The following DNAH10 variants were observed in gnomAD, a reference collection of about 807,000 sequenced individuals.
The protein encoded by DNAH10 is axonemal beta dynein heavy chain 10.
A neutral mutation model predicts 506.6 loss-of-function variants in DNAH10; 348 were observed. The observed-to-expected ratio is 0.69, with a 90% CI of 0.63 to 0.75. The LOEUF is 0.75. Among genes scored for constraint, DNAH10 ranks in the 30% least tolerant of loss-of-function variants. The probability of loss-of-function intolerance (pLI) is 0.00; values close to 1 mark genes in which losing one functional copy is unlikely to be tolerated. For missense variants in DNAH10, 5,179 were observed against 5,787.1 expected, an observed-to-expected ratio of 0.89 and a Z score of 3.41; for synonymous variants, 2,059 against 2,198.6, an observed-to-expected ratio of 0.94 and a Z score of 1.78.
intron 25 of DNAH10, among the ~76,000 whole-genome samples, chr12:123,829,037 A>G (rs1053172581): frequency 2.0e-5 from 3 of 152,194 alleles, no homozygotes; most frequent in African/African-American, 7.2e-5. Context: ...CATGCAGTCC[A>G]TCAATCGCCG....
intron 52 of DNAH10, among the ~76,000 whole-genome samples, chr12:123,889,739 G>A (rs1417142432): frequency 2.6e-5 from 4 of 152,122 alleles, no homozygotes; most frequent in East Asian, 3.8e-4. Flanking sequence ...CAAACAGCAC[G>A]GATTTATTCC....
intron 39 of DNAH10, among the ~76,000 whole-genome samples, chr12:123,863,187 C>T (rs1402677789): frequency 6.6e-6 from 1 of 152,190 alleles, no homozygotes; most frequent in African/African-American, 2.4e-5. Flanking sequence ...GTAGAATAGC[C>T]TCTGTCCTGT....
At position 123,923,757 on chromosome 12, in the gene DNAH10, C is replaced by G. The variant is rs1284884850; in HGVS notation, c.11507-6C>G. 1 of 1,599,510 alleles carries G rather than the reference C, an allele frequency of 6.3e-7. No individual in the cohort carries two copies. Among genetic ancestry groups the G allele is most frequent in the South Asian group, 1.1e-5 (1 of 87,986 alleles). On this transcript the variant is annotated splice_region_variant and splice_polypyrimidine_tract_variant and intron_variant, in intron 65 of 78. Transcript: ENST00000673944. The stretch of plus-strand genomic sequence containing the variant: ...AAATCAATACTCATCTGATGTTTCC[C>G]TCCAGGGCTGTTTGAGAGGCACAAG...
At chr12:123,892,486 C>T (rs931073706) in intron 52 of DNAH10, among the ~76,000 whole-genome samples, 1 of 152,208 alleles carries the variant, frequency 6.6e-6, no homozygotes, top group Non-Finnish European at 1.5e-5. Context: ...CACTGGGGAT[C>T]ACAATTCAAC....
In DNAH10 at chr12:123,830,860, T is replaced by TGAGG. The variant is rs1960474537; in HGVS notation, c.4545+161_4545+162insGAGG. Among the ~76,000 whole-genome samples, 3 of 152,148 alleles carry TGAGG rather than the reference T, an allele frequency of 2.0e-5. No individual in the cohort carries two copies. In the South Asian group the frequency reaches 6.2e-4, roughly 32 times the overall value. ...TGGGAGGCTGAGGTGGGAGGATCAC[T>TGAGG]TGAACCTGGAAGGTGGAGGCTGCAG... On this transcript the variant is annotated intron_variant, in intron 26 of 78. Coordinates refer to ENST00000673944, the MANE Select transcript of DNAH10 (RefSeq NM_001372106.1).
intron 5 of DNAH10, among the ~76,000 whole-genome samples, chr12:123,780,717 G>C (rs1957612528): frequency 6.6e-6 from 1 of 151,372 alleles, no homozygotes. Context: ...ACTTTGGGAG[G>C]CCGGGGGTGG....
In DNAH10 at chr12:123,781,372, A is replaced by G. The variant is rs1022014208; in HGVS notation, c.841+73A>G. On this transcript the variant is annotated intron_variant, in intron 6 of 78. Transcript: ENST00000673944. Reference sequence around the variant, plus strand: ...GTAGTTGGGATTACAGGTGCATGCCACCATGCCTGGCTAACTTTTGGAACA... The same window carrying G: ...GTAGTTGGGATTACAGGTGCATGCCGCCATGCCTGGCTAACTTTTGGAACA... 2.9e-6 allele frequency: 4 copies of G among 1,376,110 alleles called. No individual in the cohort carries two copies. In the African/African-American group the frequency reaches 5.8e-5, roughly 20 times the overall value. 85.2% of individuals were successfully genotyped at this position (1,376,110 alleles called of 1,614,324 possible).
chr12:123,838,719 C>T (rs117995113), intron 29 of DNAH10, 30 bp downstream of exon 29: 42,579 of 1,598,464 alleles, frequency 0.027, 655 homozygotes, highest in Non-Finnish European at 0.032. Context: ...AGGGGCTCCC[C>T]GTGTAAGCCT....
rs1955212256 is a variant in DNAH10, at chr12:123,931,641, T to G, written c.12922T>G (p.Ser4308Ala). 6.2e-7 allele frequency: 1 copy of G among 1,613,920 alleles called. No individual in the cohort carries two copies. The highest frequency in any genetic ancestry group is 8.5e-7 in the Non-Finnish European group (1 of 1,179,882). The change falls in exon 75 of 79, where the codon TCC (serine) becomes GCC (alanine). Residue 4308 changes from serine to alanine, a missense_variant. Physicochemically the swap from Ser to Ala is moderately conservative, Grantham distance 99. Transcript: ENST00000673944. ...LLELQPQTGE[S>A]SSGISRDDYI... is the part of the protein sequence containing the mutation. ...GAAAAGTGTCCTGGTTTTAGGGGAA[T>G]CCAGCAGTGGTATCAGCCGCGATGA...
Position 123,903,135 on chromosome 12 carries a change from T to G in DNAH10, c.9815+22T>G, listed in dbSNP as rs780131772. 1.9e-6 allele frequency: 3 copies of G among 1,590,736 alleles called. No homozygotes were observed. The highest frequency in any genetic ancestry group is 2.6e-6 in the Non-Finnish European group (3 of 1,168,570). On this transcript the variant is annotated intron_variant, in intron 57 of 78. Coordinates refer to ENST00000673944, the MANE Select transcript of DNAH10 (RefSeq NM_001372106.1). The surrounding 1 kb of genome is among the most constrained non-coding windows in gnomAD (Gnocchi z 4.6). ...TTAGGTAATGCACCTGAGCCACCAT[T>G]CTGGGCTTCCATTCCACCTCTGCAA...
chr12:123,822,783 A>G (rs1959553934), intron 24 of DNAH10, among the ~76,000 whole-genome samples: 1 of 152,144 alleles, frequency 6.6e-6, no homozygotes, highest in Non-Finnish European at 1.5e-5. Context: ...AATGCGGGAG[A>G]ACACTGACGT....
intron 24 of DNAH10, among the ~76,000 whole-genome samples, chr12:123,825,822 T>A (rs1959923651): frequency 6.6e-6 from 1 of 152,174 alleles, no homozygotes; most frequent in Non-Finnish European, 1.5e-5. Flanking sequence ...TAATCCTCAA[T>A]AAAGCTGTTA....
chr12:123,783,330 CGGAGTCTGGG>C, intron 7 of DNAH10, 66 bp downstream of exon 7: 1 of 1,588,642 alleles, frequency 6.3e-7, no homozygotes, highest in South Asian at 1.1e-5. Flanking sequence ...GGAAAGAGCC[CGGAGTCTGGG>C]GTCTGCATCA....
rs36137208 is a variant in DNAH10, at chr12:123,765,500, A to G, written c.215-2106A>G. 4.2e-3 allele frequency among the ~76,000 whole-genome samples: 636 copies of G among 152,280 alleles called. 7 individuals carry two copies. The highest frequency in any genetic ancestry group is 0.015 in the African/African-American group (611 of 41,540). ...CTTTTGTCAAATTATCAGTCAATCA[A>G]TCAGCCAATCACCTACCAACCGACT... On this transcript the variant is annotated intron_variant, in intron 1 of 78. Transcript: ENST00000673944.
At chr12:123,901,254 C>T (rs1158159942) in intron 56 of DNAH10, among the ~76,000 whole-genome samples, 1 of 152,244 alleles carries the variant, frequency 6.6e-6, no homozygotes, top group Non-Finnish European at 1.5e-5. Flanking sequence ...GTCCTGTTAC[C>T]TCTGCACTCC....
chr12:123,883,213 C>G (rs994640938), intron 51 of DNAH10, among the ~76,000 whole-genome samples: 1 of 152,214 alleles, frequency 6.6e-6, no homozygotes, highest in South Asian at 2.1e-4. Context: ...GTTTGCATTG[C>G]TCTTGAGTAT....
chr12:123,780,942 C>CAA (rs376709809), intron 5 of DNAH10, 138 bp from the exon 6 acceptor site: 106,631 of 329,316 alleles, frequency 0.32, 16,982 homozygotes, highest in East Asian at 0.51. Flanking sequence ...GACTCTGTCT[C>CAA]AAAAAAAAAA....
rs1955073382 is a variant in DNAH10, at chr12:123,928,948, A to T, written c.12307-327A>T. 5 of 462,476 alleles carry T rather than the reference A, an allele frequency of 1.1e-5. No individual in the cohort carries two copies. The South Asian group carries it at 1.3e-4, about 12-fold the overall frequency. The allele number at this position is 462,476 out of a possible 1,614,324, so 28.6% of individuals were successfully genotyped here. Reference sequence around the variant, plus strand: ...GCCCCATTTAATTTATTCTCCGGGAAATTCTTTTGGAAAGGTTTTGTCATT... The same window carrying T: ...GCCCCATTTAATTTATTCTCCGGGATATTCTTTTGGAAAGGTTTTGTCATT... On this transcript the variant is annotated intron_variant, in intron 70 of 78. Coordinates refer to ENST00000673944, the MANE Select transcript of DNAH10 (RefSeq NM_001372106.1). The surrounding 1 kb of genome is among the most constrained non-coding windows in gnomAD (Gnocchi z 4.9).
At chr12:123,889,746 T>C (rs1952894172) in intron 52 of DNAH10, among the ~76,000 whole-genome samples, 1 of 152,224 alleles carries the variant, frequency 6.6e-6, no homozygotes, top group Non-Finnish European at 1.5e-5. Flanking sequence ...CACGGATTTA[T>C]TCCCCTATGC....
Sources: allele counts gnomAD v4.1 joint callset (sites outside exome capture counted in the v4.1 genomes callset), GRCh38; gene constraint gnomAD v4.1.1; non-coding constraint Gnocchi (gnomAD v3.1); transcripts MANE v1.5; gene names NCBI Gene and HGNC (gene_info 2026-07-23, HGNC 2026-07-21).